The following LRRC37A2 variants were observed in gnomAD, a reference collection of about 807,000 sequenced individuals.
LRRC37A2 encodes leucine-rich repeat-containing protein 37A2.
LRRC37A2 carries 9 observed loss-of-function variants against 68.8 expected under a neutral mutation model. That is an observed-to-expected ratio of 0.13 (90% CI 0.08 to 0.23). The LOEUF (loss-of-function observed/expected upper bound fraction) is 0.23. LRRC37A2 is among the 10% of genes least tolerant of loss of function. The pLI, the probability that LRRC37A2 is intolerant of heterozygous loss-of-function variation, is 1.00. For synonymous variants in LRRC37A2, 63 were observed against 367.6 expected (o/e 0.17, Z 9.48); for missense variants, 168 against 950.4 (o/e 0.18, Z 10.82).
chr17:46,929,426 C>CAGTTTT, the LRRC37A2 span: 1 of 760,868 alleles, frequency 1.3e-6, no homozygotes, highest in Non-Finnish European at 2.4e-6. Context: ...CGATTTAAAT[C>CAGTTTT]AGTTACATGT....
chr17:46,953,132 G>T, the LRRC37A2 span, among the ~76,000 whole-genome samples: 2 of 151,620 alleles, frequency 1.3e-5, no homozygotes, highest in African/African-American at 2.4e-5. Flanking sequence ...GTGCCATGTT[G>T]GTGTGCTGCA....
At chr17:47,037,252 T>C in the LRRC37A2 span, among the ~76,000 whole-genome samples, 1 of 151,996 alleles carries the variant, frequency 6.6e-6, no homozygotes, top group Non-Finnish European at 1.5e-5. Context: ...GTCACGCCAT[T>C]GCACTCAAGC....
the LRRC37A2 span, among the ~76,000 whole-genome samples, chr17:46,895,290 A>G: frequency 5.3e-5 from 8 of 152,226 alleles, no homozygotes; most frequent in African/African-American, 1.9e-4. Flanking sequence ...TAACTTGTAC[A>G]TGGAGCCTTA....
chr17:46,588,846 G>C, the LRRC37A2 span, among the ~76,000 whole-genome samples: 1 of 127,098 alleles, frequency 7.9e-6, no homozygotes, highest in African/African-American at 3.8e-5. Flanking sequence ...AAGAGTTCGA[G>C]ACCAGCCTGG....
chr17:46,900,666 C>T, the LRRC37A2 span, among the ~76,000 whole-genome samples: 4 of 152,344 alleles, frequency 2.6e-5, no homozygotes, highest in African/African-American at 9.6e-5. Flanking sequence ...TCGCATTCAA[C>T]TCACTGCACT....
intron 8 of LRRC37A2, among the ~76,000 whole-genome samples, chr17:46,545,683 CTTTCTT>C (rs1363684766): frequency 8.5e-6 from 1 of 118,026 alleles, no homozygotes; most frequent in African/African-American, 4.1e-5. Context: ...AACTCCTCCT[CTTTCTT>C]TTTCAATATC....
chr17:46,885,071 C>T, the LRRC37A2 span: 1 of 440,532 alleles, frequency 2.3e-6, no homozygotes, highest in South Asian at 1.6e-5. Context: ...TCATCACAAC[C>T]TCCACCTCCC....
At chr17:46,936,309 G>C in the LRRC37A2 span, 1 of 985,264 alleles carries the variant, frequency 1.0e-6, no homozygotes, top group Non-Finnish European at 1.2e-6. Context: ...CACTGATGAA[G>C]AGCCAGTGGG....
At chr17:46,539,066 CAG>C (rs1480095783) in intron 6 of LRRC37A2, among the ~76,000 whole-genome samples, 3 of 53,640 alleles carry the variant, frequency 5.6e-5, no homozygotes, top group Non-Finnish European at 4.4e-5. Flanking sequence ...ACGGGGATGA[CAG>C]GGCATGGTGG....
At chr17:46,951,358 A>C in the LRRC37A2 span, among the ~76,000 whole-genome samples, 3 of 152,190 alleles carry the variant, frequency 2.0e-5, no homozygotes, top group East Asian at 5.8e-4. Context: ...GACAACAGCA[A>C]GCTCCTTACC....
chr17:47,022,717 T>C, the LRRC37A2 span, among the ~76,000 whole-genome samples: 2 of 152,246 alleles, frequency 1.3e-5, no homozygotes, highest in Non-Finnish European at 2.9e-5. Flanking sequence ...TGATATGCCT[T>C]AGATTTCTTT....
the LRRC37A2 span, among the ~76,000 whole-genome samples, chr17:46,802,947 T>TTATA: frequency 6.6e-6 from 1 of 152,150 alleles, no homozygotes. Context: ...GAACCCTGAT[T>TTATA]TATAGCAGGT....
chr17:47,027,944 C>T, the LRRC37A2 span, among the ~76,000 whole-genome samples: 15 of 152,268 alleles, frequency 9.9e-5, no homozygotes, highest in African/African-American at 3.1e-4. Context: ...AGAGATGCTG[C>T]TAAACATCCT....
At chr17:46,999,126 G>A in the LRRC37A2 span, among the ~76,000 whole-genome samples, 1 of 152,144 alleles carries the variant, frequency 6.6e-6, no homozygotes, top group African/African-American at 2.4e-5. Flanking sequence ...CTAAGTAATC[G>A]AGAAGGACAC....
At chr17:46,983,830 A>G in the LRRC37A2 span, among the ~76,000 whole-genome samples, 2 of 152,214 alleles carry the variant, frequency 1.3e-5, no homozygotes, top group South Asian at 4.1e-4. Context: ...GGTTGCCGTC[A>G]GGATGTTGGC....
At chr17:46,997,970 G>GAA in the LRRC37A2 span, among the ~76,000 whole-genome samples, 3 of 136,634 alleles carry the variant, frequency 2.2e-5, no homozygotes, top group African/African-American at 5.4e-5. Context: ...AACTCCATCT[G>GAA]AAAAAAAAAA....
At chr17:46,764,619 G>A in the LRRC37A2 span, 12 of 152,266 alleles carry the variant, frequency 7.9e-5, no homozygotes, top group African/African-American at 2.9e-4. Flanking sequence ...CCTTCCCAGC[G>A]CCCTTGGGGA....
the LRRC37A2 span, among the ~76,000 whole-genome samples, chr17:46,774,365 C>T: frequency 6.6e-6 from 1 of 152,286 alleles, no homozygotes; most frequent in East Asian, 1.9e-4. Context: ...CGCGCGCGCA[C>T]ACACACACAC....
At chr17:46,765,669 G>A in the LRRC37A2 span, among the ~76,000 whole-genome samples, 5 of 152,352 alleles carry the variant, frequency 3.3e-5, no homozygotes, top group South Asian at 2.1e-4. Context: ...TCTCGGCCGA[G>A]CCTGGGCCCA....
Sources: gnomAD v4.1 joint callset for allele counts (sites outside exome capture counted in the v4.1 genomes callset) on GRCh38, gnomAD v4.1.1 for gene constraint, MANE v1.5 for transcripts, NCBI Gene and HGNC (gene_info 2026-07-23, HGNC 2026-07-21) for gene names.